Variants in ATP6V1C2 observed in about 807,000 individuals in gnomAD.
ATP6V1C2 encodes the protein V-type proton ATPase subunit C 2.
Under a neutral mutation model 56.8 loss-of-function variants are expected in ATP6V1C2, and 45 were observed. The ratio of observed to expected loss-of-function variants is 0.79; its 90% CI spans 0.62 to 1.02. The LOEUF (loss-of-function observed/expected upper bound fraction) is 1.02. Ranked by LOEUF, ATP6V1C2 falls within the 50% of genes least tolerant of loss-of-function variation. ATP6V1C2 has a pLI of 0.00. For missense variants in ATP6V1C2, 463 were observed against 519.7 expected (o/e 0.89, Z 1.06); for synonymous variants, 220 against 201.3 (o/e 1.09, Z -0.79).
At chr2:10,737,731 C>T (rs2148427268) in intron 3 of ATP6V1C2, among the ~76,000 whole-genome samples, 1 of 152,262 alleles carries the variant, frequency 6.6e-6, no homozygotes, top group South Asian at 2.1e-4. Flanking sequence ...ACTCTGTCGC[C>T]CAGGCTGGAG....
chr2:10,747,726 C>T (rs1279118850), intron 3 of ATP6V1C2, among the ~76,000 whole-genome samples: 1 of 151,994 alleles, frequency 6.6e-6, no homozygotes, highest in African/African-American at 2.4e-5. Context: ...CACTTTCTAC[C>T]AAAATAAAAT....
chr2:10,761,563 C>T (rs373222744), intron 4 of ATP6V1C2, among the ~76,000 whole-genome samples: 1 of 152,192 alleles, frequency 6.6e-6, no homozygotes, highest in African/African-American at 2.4e-5. Context: ...CTGAGTCAGC[C>T]TGGACTGCTG....
chr2:10,753,521 A>C (rs2148457978), intron 3 of ATP6V1C2, among the ~76,000 whole-genome samples: 1 of 151,484 alleles, frequency 6.6e-6, no homozygotes, highest in East Asian at 1.9e-4. Context: ...ACTGGTTCAA[A>C]GGCTATTAGC....
At chr2:10,766,534 T>C (rs1403736152) in intron 5 of ATP6V1C2, among the ~76,000 whole-genome samples, 2 of 152,206 alleles carry the variant, frequency 1.3e-5, no homozygotes, top group Non-Finnish European at 2.9e-5. Flanking sequence ...CAATTTTTCA[T>C]TGGCTTGTGG....
At chr2:10,736,671 T>A (rs1323405973) in intron 3 of ATP6V1C2, among the ~76,000 whole-genome samples, 2 of 152,136 alleles carry the variant, frequency 1.3e-5, no homozygotes, top group Admixed American at 1.3e-4. Flanking sequence ...AAAACATGCT[T>A]AGTTACATGC....
At chr2:10,743,979 C>T in intron 3 of ATP6V1C2, among the ~76,000 whole-genome samples, 1 of 17,352 alleles carries the variant, frequency 5.8e-5, no homozygotes, top group African/African-American at 1.5e-4. Flanking sequence ...GAGATTCAGT[C>T]TCAAAAAAAA....
At chr2:10,764,536 G>T in intron 5 of ATP6V1C2, 111 bp downstream of exon 5, 1 of 890,844 alleles carries the variant, frequency 1.1e-6, no homozygotes, top group Non-Finnish European at 1.8e-6. Flanking sequence ...GGGCCTCTGG[G>T]TTTCTGAGGT....
intron 8 of ATP6V1C2, among the ~76,000 whole-genome samples, chr2:10,774,002 A>G (rs1389731798): frequency 6.6e-6 from 1 of 152,240 alleles, no homozygotes; most frequent in Non-Finnish European, 1.5e-5. Context: ...AGGAGCATTC[A>G]CTGCTCTTAA....
chr2:10,762,980 C>A (rs1256394423), intron 4 of ATP6V1C2, among the ~76,000 whole-genome samples: 1 of 152,100 alleles, frequency 6.6e-6, no homozygotes, highest in African/African-American at 2.4e-5. Context: ...CAGCCTGCTG[C>A]CCTTGGTCAG....
intron 3 of ATP6V1C2, among the ~76,000 whole-genome samples, chr2:10,730,395 T>C (rs149522440): frequency 0.013 from 2,047 of 151,908 alleles, 51 homozygotes; most frequent in African/African-American, 0.046. Flanking sequence ...GGATTACAGG[T>C]GTGAGCCACT....
Position 10,784,057 on chromosome 2 carries a change from A to T in ATP6V1C2, c.*794A>T, listed in dbSNP as rs1182148132. On this transcript the variant is annotated 3_prime_UTR_variant, in exon 14 of 14. Transcript: ENST00000272238. ...GAATACGACTCAATTCACCGGCTAC[A>T]ACAATTCATAGAATTTTTCAATGTT... is the stretch of plus-strand genomic sequence containing the variant. 9.2e-6 allele frequency: 4 copies of T among 434,278 alleles called. No homozygotes were observed. The highest frequency in any genetic ancestry group is 1.6e-5 in the Non-Finnish European group (4 of 245,312). The allele number at this position is 434,278 out of a possible 1,614,324, so 26.9% of individuals were successfully genotyped here. A position where few individuals can be genotyped will look rare whatever the true frequency, so the allele number is the denominator to read the frequency against.
intron 4 of ATP6V1C2, 41 bp downstream of exon 4, chr2:10,754,107 G>C: frequency 6.6e-7 from 1 of 1,520,570 alleles, no homozygotes; most frequent in African/African-American, 1.4e-5. Flanking sequence ...CAATCTCCCC[G>C]CTCCCTCTAG....
At chr2:10,743,294 A>G (rs114044903) in intron 3 of ATP6V1C2, among the ~76,000 whole-genome samples, 2,827 of 151,338 alleles carry the variant, frequency 0.019, 31 homozygotes, top group Non-Finnish European at 0.031. Flanking sequence ...TGGTAGATAC[A>G]GGGTCTCGCT....
chr2:10,755,028 A>G (rs1242564591), intron 4 of ATP6V1C2, among the ~76,000 whole-genome samples: 1 of 150,982 alleles, frequency 6.6e-6, no homozygotes, highest in Non-Finnish European at 1.5e-5. Context: ...ATATAGATAT[A>G]TTTTTTGAGA....
rs1422841374 is a variant in ATP6V1C2 at position 10,777,732 on chromosome 2, G to A, written c.963+10G>A. On this transcript the variant is annotated intron_variant, in intron 11 of 13. Coordinates refer to ENST00000272238, the MANE Select transcript of ATP6V1C2 (RefSeq NM_001039362.2). Reference sequence around the variant, plus strand: ...TGAGGGCGAGGGTGAGGTAAGCAACGCCCCGGGAACCCCGGGGTCCCTGGC... The same window carrying A: ...TGAGGGCGAGGGTGAGGTAAGCAACACCCCGGGAACCCCGGGGTCCCTGGC... 6 of 1,601,770 alleles carry A rather than the reference G, an allele frequency of 3.7e-6. No individual in the cohort carries two copies. Among genetic ancestry groups the A allele is most frequent in the African/African-American group, 1.3e-5 (1 of 74,400 alleles).
At chr2:10,769,399 G>A (rs933626689) in intron 6 of ATP6V1C2, among the ~76,000 whole-genome samples, 4 of 152,190 alleles carry the variant, frequency 2.6e-5, no homozygotes, top group Non-Finnish European at 5.9e-5. Context: ...TCCTGTTGTT[G>A]GAGGTGTGTA....
Position 10,727,419 on chromosome 2 carries a change from G to A in ATP6V1C2, c.197+850G>A, listed in dbSNP as rs372459177. ...AAAAAAAAAAAAAATAGCTAGATGT[G>A]GTGATGTGTGCCTGTAGTCCTAGCT... On this transcript the variant is annotated intron_variant, in intron 3 of 13. Coordinates refer to ENST00000272238, the MANE Select transcript of ATP6V1C2 (RefSeq NM_001039362.2). Among the ~76,000 whole-genome samples the A allele has an allele frequency of 1.1e-4, 16 of 151,780 alleles. No homozygotes were observed. The South Asian group carries it at 2.3e-3, about 22-fold the overall frequency.
At chr2:10,739,973 G>C (rs1662457761) in intron 3 of ATP6V1C2, among the ~76,000 whole-genome samples, 1 of 151,498 alleles carries the variant, frequency 6.6e-6, no homozygotes, top group East Asian at 2.0e-4. Context: ...TTGGTGGTGG[G>C]CAAGCTTGGG....
chr2:10,741,336 G>C (rs1662538254), intron 3 of ATP6V1C2, among the ~76,000 whole-genome samples: 1 of 152,222 alleles, frequency 6.6e-6, no homozygotes, highest in Admixed American at 6.5e-5. Flanking sequence ...TTGCTGCAGG[G>C]CATGACGATT....
Sources: gnomAD v4.1 joint callset for allele counts (sites outside exome capture counted in the v4.1 genomes callset) on GRCh38, gnomAD v4.1.1 for gene constraint, MANE v1.5 for transcripts, NCBI Gene and HGNC (gene_info 2026-07-23, HGNC 2026-07-21) for gene names.